Variants in ZBTB47 observed in about 807,000 individuals in gnomAD.
ZBTB47 encodes zinc finger and BTB domain-containing protein 47.
A neutral mutation model predicts 56.6 loss-of-function variants in ZBTB47; 24 were observed. The ratio of observed to expected loss-of-function variants is 0.42; its 90% CI spans 0.31 to 0.60. The LOEUF (loss-of-function observed/expected upper bound fraction) is 0.60, where lower values mean the gene tolerates loss of function less well. Ranked by LOEUF, ZBTB47 falls within the 20% of genes least tolerant of loss-of-function variation. The pLI is 0.14. For missense variants in ZBTB47, 829 were observed against 1,032.6 expected, an observed-to-expected ratio of 0.80 and a Z score of 2.70; for synonymous variants, 414 against 418.9, an observed-to-expected ratio of 0.99 and a Z score of 0.14.
chr3:42,661,625 C>T lies in ZBTB47; in HGVS notation c.1614C>T (p.His538=). Residue 538 remains histidine (H), a synonymous_variant, in exon 3 of 6, where the codon CAC becomes CAT. Coordinates refer to ENST00000232974, the MANE Select transcript of ZBTB47 (RefSeq NM_145166.4). The stretch of plus-strand genomic sequence containing the variant: ...ACACCATGGCCCACGTGCGTAAGCA[C>T]ATGGTTGGTAAGTCTGGGCCACTGG... ...KFYTMAHVRK[H]MVAHTKDMPF... 1 of 1,613,956 alleles carries T rather than the reference C, an allele frequency of 6.2e-7. No individual in the cohort carries two copies. Among genetic ancestry groups the T allele is most frequent in the Non-Finnish European group, 8.5e-7 (1 of 1,179,864 alleles).
Position 42,659,530 on chromosome 3 carries a change from A to C in ZBTB47, c.1175A>C (p.Glu392Ala). The C allele has an allele frequency of 6.4e-7, 1 of 1,563,648 alleles. No individual in the cohort carries two copies. Among genetic ancestry groups the C allele is most frequent in the Non-Finnish European group, 8.6e-7 (1 of 1,156,330 alleles). Residue 392 changes from glutamate (E) to alanine (A), a missense_variant, in exon 2 of 6, where the codon GAA becomes GCA. Physicochemically the swap from Glu to Ala is moderately radical, Grantham distance 107. This residue lies in a region of ZBTB47 where 359 missense variants were observed against 359.8 expected (regional missense o/e 1.00). Transcript: ENST00000232974. ...AACGCCCGGCGCCGGGGTACCCCTG[A>C]ACCTGAAGAAGCTGGGCGGCGGGGT... The part of the protein sequence containing the change: ...RENARRRGTP[E>A]PEEAGRRGGK...
chr3:42,661,560 GAGA>G lies in ZBTB47; in HGVS notation c.1555_1557del (p.Lys519del), dbSNP rs1710721488. 22 of 1,614,066 alleles carry G rather than the reference GAGA, an allele frequency of 1.4e-5. No individual in the cohort carries two copies. The highest frequency in any genetic ancestry group is 2.2e-5 in the East Asian group (1 of 44,884). On this transcript the variant is annotated inframe_deletion, in exon 3 of 6. Coordinates refer to ENST00000232974, the MANE Select transcript of ZBTB47 (RefSeq NM_145166.4). Reference sequence around the variant, plus strand: ...TAACAAGATTGTGCACGGCTACGCAGAGAAGAAGTTCTCATGCGAGATCTGTGA... The same window carrying G: ...TAACAAGATTGTGCACGGCTACGCAGAGAAGTTCTCATGCGAGATCTGTGA...
At position 42,663,934 on chromosome 3, in the gene ZBTB47, C is replaced by T. The variant is rs747088416; in HGVS notation, c.1875C>T (p.Thr625=). 1.7e-5 allele frequency: 28 copies of T among 1,611,136 alleles called. No individual in the cohort carries two copies. The East Asian group carries it at 6.3e-4, about 36-fold the overall frequency. Residue 625 remains threonine, a synonymous_variant, in exon 5 of 6, where the codon ACC becomes ACT. Transcript: ENST00000232974. This position sits in a 1 kb window ranked among gnomAD's most constrained non-coding sequence, Gnocchi z 5.1. ...MKQYFDEHMK[T]HTGEKPYICE... is the part of the protein sequence containing the mutation. ...AGTACTTCGATGAGCACATGAAGACCCACACAGGTGCGGCTGCCCCTGGGG... is the reference window on the plus strand; with the variant it reads ...AGTACTTCGATGAGCACATGAAGACTCACACAGGTGCGGCTGCCCCTGGGG...
rs940767839 is a variant in ZBTB47 at position 42,654,564 on chromosome 3, G to C, written c.-82+681G>C. 7.1e-5 allele frequency: 34 copies of C among 479,728 alleles called. No individual in the cohort carries two copies. Among genetic ancestry groups the C allele is most frequent in the Non-Finnish European group, 1.1e-5 (4 of 369,834 alleles). 29.7% of individuals were successfully genotyped at this position (479,728 alleles called of 1,614,324 possible). A position where few individuals can be genotyped will look rare whatever the true frequency, so the allele number is the denominator to read the frequency against. ...CCTCCGCCTGCCTGGCCGCGCCCCC[G>C]GGGGCCATGGTCGCGGGGCCCTGCG... On this transcript the variant is annotated intron_variant, in intron 1 of 5. Coordinates refer to ENST00000232974, the MANE Select transcript of ZBTB47 (RefSeq NM_145166.4). The surrounding 1 kb of genome is among the most constrained non-coding windows in gnomAD (Gnocchi z 5.0).
chr3:42,654,989 C>T lies in ZBTB47; in HGVS notation c.-82+1106C>T, dbSNP rs1447836259. Reference sequence around the variant, plus strand: ...GCGCCCGGACGGCGCCGCCCTCGGGCTGGGTAATGGGGGGAAGAGGGAGTC... The same window carrying T: ...GCGCCCGGACGGCGCCGCCCTCGGGTTGGGTAATGGGGGGAAGAGGGAGTC... On this transcript the variant is annotated intron_variant, in intron 1 of 5. Coordinates refer to ENST00000232974, the MANE Select transcript of ZBTB47 (RefSeq NM_145166.4). This position sits in a 1 kb window ranked among gnomAD's most constrained non-coding sequence, Gnocchi z 5.0. Among the ~76,000 whole-genome samples, 1 of 152,042 alleles carries T rather than the reference C, an allele frequency of 6.6e-6. No homozygotes were observed. The highest frequency in any genetic ancestry group is 6.5e-5 in the Admixed American group (1 of 15,278).
Position 42,666,403 on chromosome 3 carries a change from CT to C in ZBTB47, c.*1806del. Among the ~76,000 whole-genome samples, 1 of 152,316 alleles carries C rather than the reference CT, an allele frequency of 6.6e-6. No individual in the cohort carries two copies. Among genetic ancestry groups the C allele is most frequent in the South Asian group, 2.1e-4 (1 of 4,830 alleles). ...CTGGGGACTCCAGGCTCCTGCTTTA[CT>C]GTAGCTCTTTTTCTTCCTTGCACTC... On this transcript the variant is annotated 3_prime_UTR_variant, in exon 6 of 6. Coordinates refer to ENST00000232974, the MANE Select transcript of ZBTB47 (RefSeq NM_145166.4).
rs148641473 is a variant in ZBTB47, at chr3:42,667,139, C to T, written c.*2541C>T. On this transcript the variant is annotated 3_prime_UTR_variant, in exon 6 of 6. Transcript: ENST00000232974. ...TGTGCCCCCAGATGTCAGAATGAGG[C>T]GACTAGGGCACCATACTCACTTTCC... is the stretch of plus-strand genomic sequence containing the variant. Among the ~76,000 whole-genome samples the T allele has an allele frequency of 8.5e-5, 13 of 152,310 alleles. No homozygotes were observed. The highest frequency in any genetic ancestry group is 1.7e-4 in the African/African-American group (7 of 41,578).
At chr3:42,664,204 A>AC (rs1456410477) in intron 5 of ZBTB47, 33 bp from the exon 6 acceptor site, 2 of 1,607,306 alleles carry the variant, frequency 1.2e-6, no homozygotes, top group Admixed American at 3.4e-5. Context: ...GCGACCCCTC[A>AC]CTGACGCCCT....
At chr3:42,662,233 C>T (rs953803547) in intron 3 of ZBTB47, among the ~76,000 whole-genome samples, 1 of 152,182 alleles carries the variant, frequency 6.6e-6, no homozygotes, top group African/African-American at 2.4e-5. Flanking sequence ...TCCTTGCCCG[C>T]TCCAAGTCTG....
intron 5 of ZBTB47, 106 bp from the exon 6 acceptor site, chr3:42,664,131 C>T: frequency 6.7e-7 from 1 of 1,499,038 alleles, no homozygotes; most frequent in Non-Finnish European, 8.9e-7. Flanking sequence ...GATCTGAGAG[C>T]GCCGGGGCTG....
chr3:42,657,286 G>A (rs1239985850), intron 1 of ZBTB47, among the ~76,000 whole-genome samples: 1 of 152,252 alleles, frequency 6.6e-6, no homozygotes, highest in African/African-American at 2.4e-5. Flanking sequence ...GGAAGCCCCA[G>A]ATGGTGTGGC....
In ZBTB47 at chr3:42,666,369, A is replaced by C. The variant is rs911908582; in HGVS notation, c.*1771A>C. 6.6e-6 allele frequency among the ~76,000 whole-genome samples: 1 copy of C among 151,976 alleles called. No homozygotes were observed. The highest frequency in any genetic ancestry group is 2.4e-5 in the African/African-American group (1 of 41,360). ...AAGAAGGCTTCTGGTCAGGACCCCCACCCCAAGGCTGGGGACTCCAGGCTC... is the reference window on the plus strand; with the variant it reads ...AAGAAGGCTTCTGGTCAGGACCCCCCCCCCAAGGCTGGGGACTCCAGGCTC... On this transcript the variant is annotated 3_prime_UTR_variant, in exon 6 of 6. Coordinates refer to ENST00000232974, the MANE Select transcript of ZBTB47 (RefSeq NM_145166.4).
At position 42,658,876 on chromosome 3, in the gene ZBTB47, C is replaced by T; in HGVS notation, c.521C>T (p.Ala174Val). Residue 174 changes from alanine to valine, a missense_variant, in exon 2 of 6, where the codon GCT becomes GTT. Ala to Val is a moderately conservative substitution (Grantham distance 64). This residue lies in a region of ZBTB47 where 359 missense variants were observed against 359.8 expected (regional missense o/e 1.00). Coordinates refer to ENST00000232974, the MANE Select transcript of ZBTB47 (RefSeq NM_145166.4). ...SVRVEDGAGT[A>V]GGTVPATIGP... The stretch of plus-strand genomic sequence containing the variant: ...CGTGTTGAGGACGGGGCAGGGACTG[C>T]TGGTGGCACAGTGCCTGCCACCATT... 6.6e-7 allele frequency: 1 copy of T among 1,518,004 alleles called. No homozygotes were observed. The highest frequency in any genetic ancestry group is 8.8e-7 in the Non-Finnish European group (1 of 1,137,010). 94.0% of individuals were successfully genotyped at this position (1,518,004 alleles called of 1,614,324 possible). A position where few individuals can be genotyped will look rare whatever the true frequency, so the allele number is the denominator to read the frequency against.
chr3:42,658,149 T>C, intron 1 of ZBTB47, 126 bp from the exon 2 acceptor site: 1 of 1,062,354 alleles, frequency 9.4e-7, no homozygotes, highest in Non-Finnish European at 1.3e-6. Context: ...GCTCTGTTGC[T>C]GTAAAGTGGA....
At position 42,659,349 on chromosome 3, in the gene ZBTB47, G is replaced by A. The variant is rs1269811070; in HGVS notation, c.994G>A (p.Glu332Lys). The change falls in exon 2 of 6, where the codon GAA becomes AAA. Residue 332 changes from glutamate (E) to lysine (K), a missense_variant. Physicochemically the swap from Glu to Lys is moderately conservative, Grantham distance 56. Transcript: ENST00000232974. ...HSEQEEEEEE[E>K]EEEGPSEQDQ... Reference sequence around the variant, plus strand: ...TGAGCAGGAAGAGGAAGAGGAGGAGGAAGAGGAGGAAGGGCCTAGTGAGCA... The same window carrying A: ...TGAGCAGGAAGAGGAAGAGGAGGAGAAAGAGGAGGAAGGGCCTAGTGAGCA... The A allele has an allele frequency of 7.0e-7, 1 of 1,426,422 alleles. No individual in the cohort carries two copies. The highest frequency in any genetic ancestry group is 2.1e-5 in the Admixed American group (1 of 47,178). 88.4% of individuals were successfully genotyped at this position (1,426,422 alleles called of 1,614,324 possible).
In ZBTB47 at chr3:42,666,595, A is replaced by G. The variant is rs962916763; in HGVS notation, c.*1997A>G. The stretch of plus-strand genomic sequence containing the variant: ...AGGCAGGGTCCTCCATGGGTTTCCA[A>G]CCCCCATCACTGGCACCAGGATCTC... On this transcript the variant is annotated 3_prime_UTR_variant, in exon 6 of 6. Coordinates refer to ENST00000232974, the MANE Select transcript of ZBTB47 (RefSeq NM_145166.4). Among the ~76,000 whole-genome samples the G allele has an allele frequency of 2.0e-5, 3 of 151,896 alleles. No individual in the cohort carries two copies. Among genetic ancestry groups the G allele is most frequent in the Admixed American group, 1.3e-4 (2 of 15,256 alleles).
rs1167713037 is a variant in ZBTB47 at position 42,658,884 on chromosome 3, A to G, written c.529A>G (p.Thr177Ala). Residue 177 changes from threonine to alanine, a missense_variant, in exon 2 of 6, where the codon ACA becomes GCA. Physicochemically the swap from Thr to Ala is moderately conservative, Grantham distance 58. Around this residue, in one of 6 missense-constraint regions of ZBTB47, gnomAD observed 359 missense variants for 359.8 expected, o/e 1.00. Coordinates refer to ENST00000232974, the MANE Select transcript of ZBTB47 (RefSeq NM_145166.4). ...VEDGAGTAGG[T>A]VPATIGPAQP... is the part of the protein sequence containing the mutation. ...GGACGGGGCAGGGACTGCTGGTGGCACAGTGCCTGCCACCATTGGGCCAGC... is the reference window on the plus strand; with the variant it reads ...GGACGGGGCAGGGACTGCTGGTGGCGCAGTGCCTGCCACCATTGGGCCAGC... The G allele has an allele frequency of 5.9e-6, 9 of 1,514,666 alleles. No homozygotes were observed. Among genetic ancestry groups the G allele is most frequent in the Non-Finnish European group, 7.9e-6 (9 of 1,135,488 alleles). The allele number at this position is 1,514,666 out of a possible 1,614,324, so 93.8% of individuals were successfully genotyped here. A position where few individuals can be genotyped will look rare whatever the true frequency, so the allele number is the denominator to read the frequency against.
rs1313089083 is a variant in ZBTB47 at position 42,654,725 on chromosome 3, T to C, written c.-82+842T>C. On this transcript the variant is annotated intron_variant, in intron 1 of 5. Transcript: ENST00000232974. This position sits in a 1 kb window ranked among gnomAD's most constrained non-coding sequence, Gnocchi z 5.0. ...GCAGGGCCCTGCCTGTCCCCCCGCT[T>C]ATCCGCCCACCTGCCAGCTCTGACC... 2.2e-5 allele frequency: 22 copies of C among 984,768 alleles called. No homozygotes were observed. The African/African-American group carries it at 3.5e-4, about 16-fold the overall frequency. The allele number at this position is 984,768 out of a possible 1,614,324, so 61.0% of individuals were successfully genotyped here. A position where few individuals can be genotyped will look rare whatever the true frequency, so the allele number is the denominator to read the frequency against.
At position 42,659,654 on chromosome 3, in the gene ZBTB47, G is replaced by A. The variant is rs1251308543; in HGVS notation, c.1299G>A (p.Lys433=). 2 of 1,612,156 alleles carry A rather than the reference G, an allele frequency of 1.2e-6. No individual in the cohort carries two copies. The highest frequency in any genetic ancestry group is 2.7e-5 in the African/African-American group (2 of 74,912). The part of the protein sequence containing the change: ...GLGAKVKLEE[K]QHHPCQKCPR... ...GGGCCAAGGTGAAGCTGGAGGAGAA[G>A]CAGCACCATCCATGCCAGAAGTGCC... The change falls in exon 2 of 6, where the codon AAG becomes AAA. Residue 433 remains lysine (K), a synonymous_variant. Transcript: ENST00000232974.
Sources: allele counts gnomAD v4.1 joint callset (sites outside exome capture counted in the v4.1 genomes callset), GRCh38; gene constraint gnomAD v4.1.1; regional missense constraint gnomAD v4.1.1; non-coding constraint Gnocchi (gnomAD v3.1); transcripts MANE v1.5; gene names NCBI Gene and HGNC (gene_info 2026-07-23, HGNC 2026-07-21).